The following RAB13 variants were observed in gnomAD, a reference collection of about 807,000 sequenced individuals.
RAB13 encodes the protein RAB13, member RAS oncogene family.
Under a neutral mutation model 29.3 loss-of-function variants are expected in RAB13, and 15 were observed. That is an observed-to-expected ratio of 0.51 (90% CI 0.34 to 0.79). The LOEUF is 0.79. RAB13 is among the 30% of genes least tolerant of loss of function. The pLI, the probability that RAB13 is intolerant of heterozygous loss-of-function variation, is 0.01. For synonymous variants in RAB13, 82 were observed against 93.8 expected, an observed-to-expected ratio of 0.87 and a Z score of 0.73; for missense variants, 186 against 255.5, an observed-to-expected ratio of 0.73 and a Z score of 1.85.
At chr1:153,990,428 G>A (rs1557894961), upstream of RAB13, among the ~76,000 whole-genome samples, 2 of 152,182 alleles carry the variant, frequency 1.3e-5, no homozygotes, top group African/African-American at 4.8e-5. Context: ...AAAATAGGAC[G>A]GAAGTCCTGG....
At chr1:153,984,006 G>A (rs1377492962) in intron 2 of RAB13, among the ~76,000 whole-genome samples, 1 of 151,746 alleles carries the variant, frequency 6.6e-6, no homozygotes. Context: ...GTGAAACCTC[G>A]TCTCTACTAA....
upstream of RAB13, among the ~76,000 whole-genome samples, chr1:153,989,823 C>T (rs145890316): frequency 7.5e-3 from 1,131 of 150,902 alleles, 13 homozygotes; most frequent in African/African-American, 0.026. Flanking sequence ...ACGCGGGAGG[C>T]GGAGGTTGTG....
At chr1:153,987,617 G>A (rs1400500501), upstream of RAB13, among the ~76,000 whole-genome samples, 1 of 151,062 alleles carries the variant, frequency 6.6e-6, no homozygotes, top group Non-Finnish European at 1.5e-5. Context: ...GCTGGGGGTG[G>A]AAAAAAATAC....
At position 153,982,033 on chromosome 1, in the gene RAB13, G is replaced by C. The variant is rs930748656; in HGVS notation, c.*66C>G. Reference sequence around the variant, plus strand: ...CAAGCCCCTCTGCTATTTCTCCCCTGCTCACTCCCTCTGCCGTTGTCTCCC... The same window carrying C: ...CAAGCCCCTCTGCTATTTCTCCCCTCCTCACTCCCTCTGCCGTTGTCTCCC... On this transcript the variant is annotated 3_prime_UTR_variant, in exon 8 of 8. Coordinates refer to ENST00000368575, the MANE Select transcript of RAB13 (RefSeq NM_002870.5). The C allele has an allele frequency of 5.8e-5, 81 of 1,390,116 alleles. No homozygotes were observed. The highest frequency in any genetic ancestry group is 7.7e-5 in the Non-Finnish European group (75 of 977,818). The allele number at this position is 1,390,116 out of a possible 1,614,324, so 86.1% of individuals were successfully genotyped here.
chr1:153,984,170 T>A (rs1649086703), intron 2 of RAB13, among the ~76,000 whole-genome samples: 1 of 118,288 alleles, frequency 8.5e-6, no homozygotes, highest in Non-Finnish European at 1.7e-5. Flanking sequence ...AGAGCAAAAC[T>A]CTGTCTCAAA....
chr1:153,984,869 T>A (rs1005547556), intron 1 of RAB13, 88 bp from the exon 2 acceptor site: 29 of 1,451,942 alleles, frequency 2.0e-5, no homozygotes, highest in Non-Finnish European at 2.3e-5. Context: ...GGAGCAGTGC[T>A]GGCACCAGAA....
rs948526029 is a variant in RAB13, at chr1:153,982,330, CACACAT to C, written c.534+55_534+60del. On this transcript the variant is annotated intron_variant, in intron 7 of 7. Coordinates refer to ENST00000368575, the MANE Select transcript of RAB13 (RefSeq NM_002870.5). ...ACACACACACACACACACACACACA[CACACAT>C]ACATACACACACACACACCCCAGAG... The C allele has an allele frequency of 2.0e-4, 297 of 1,493,596 alleles. 1 individual carries two copies. The East Asian group carries it at 5.5e-3, about 28-fold the overall frequency. 92.5% of individuals were successfully genotyped at this position (1,493,596 alleles called of 1,614,324 possible).
rs763575836 is a variant in RAB13 at position 153,982,383 on chromosome 1, C to A, written c.534+8G>T. 54 of 1,610,830 alleles carry A rather than the reference C, an allele frequency of 3.4e-5. No homozygotes were observed. Among genetic ancestry groups the A allele is most frequent in the Non-Finnish European group, 4.2e-5 (50 of 1,177,718 alleles). On this transcript the variant is annotated splice_region_variant and intron_variant, in intron 7 of 7. Transcript: ENST00000368575. ...AGAGTTGTACCTAGTCCAGCAAAAC[C>A]AACTTACTGATCTCCGGCCTCCTGA...
intron 2 of RAB13, 85 bp from the exon 3 acceptor site, chr1:153,983,666 CT>C: frequency 8.0e-7 from 1 of 1,254,904 alleles, no homozygotes; most frequent in South Asian, 1.2e-5. Flanking sequence ...AAGAATTTAG[CT>C]TTTGTAACAT....
At chr1:153,987,853 G>A (rs187389670), upstream of RAB13, among the ~76,000 whole-genome samples, 334 of 151,668 alleles carry the variant, frequency 2.2e-3, no homozygotes, top group Non-Finnish European at 3.7e-3. Context: ...CTACTTGGGG[G>A]ACAGAAGTGG....
chr1:153,984,279 G>A (rs1649093626), intron 2 of RAB13, among the ~76,000 whole-genome samples: 1 of 151,780 alleles, frequency 6.6e-6, no homozygotes, highest in Non-Finnish European at 1.5e-5. Flanking sequence ...TTGCGCACCA[G>A]TCTGCTCTTA....
intron 1 of RAB13, 145 bp downstream of exon 1, chr1:153,985,968 G>T (rs1649153726): frequency 3.6e-6 from 5 of 1,406,030 alleles, no homozygotes; most frequent in Non-Finnish European, 3.8e-6. Context: ...ACATGCACGG[G>T]GGAAGGGTCA....
Position 153,982,173 on chromosome 1 carries a change from T to A in RAB13, c.538A>T (p.Asn180Tyr), listed in dbSNP as rs1648996221. ...LLKSGGRRSG[N>Y]GNKPPSTDLK... Reference sequence around the variant, plus strand: ...TCAGTACTGGGAGGCTTGTTGCCGTTTCCCTAGAGGGAGAAGGGCACAGGT... The same window carrying A: ...TCAGTACTGGGAGGCTTGTTGCCGTATCCCTAGAGGGAGAAGGGCACAGGT... Residue 180 changes from asparagine (N) to tyrosine (Y), a missense_variant, in exon 8 of 8, where the codon AAC (asparagine) becomes TAC (tyrosine). Coordinates refer to ENST00000368575, the MANE Select transcript of RAB13 (RefSeq NM_002870.5). 1 of 1,613,702 alleles carries A rather than the reference T, an allele frequency of 6.2e-7. No homozygotes were observed. Among genetic ancestry groups the A allele is most frequent in the African/African-American group, 1.3e-5 (1 of 74,892 alleles).
At chr1:153,987,776 A>C (rs1024942793), upstream of RAB13, among the ~76,000 whole-genome samples, 5,546 of 91,674 alleles carry the variant, frequency 0.06, 236 homozygotes, top group East Asian at 0.24. Flanking sequence ...TGCTTCGACA[A>C]AAAAAAAAAA....
At chr1:153,990,630 C>G (rs1190243074), upstream of RAB13, 10 of 804,284 alleles carry the variant, frequency 1.2e-5, no homozygotes, top group Non-Finnish European at 2.1e-5. Flanking sequence ...TAAAGACCTT[C>G]CGAAAATGGC....
At chr1:153,987,158 C>A (rs1649194347), upstream of RAB13, among the ~76,000 whole-genome samples, 1 of 152,154 alleles carries the variant, frequency 6.6e-6, no homozygotes, top group Non-Finnish European at 1.5e-5. Context: ...CTCAATAGGC[C>A]ATGAATGTGT....
Position 153,983,550 on chromosome 1 carries a change from T to C in RAB13, c.217A>G (p.Ile73Val), listed in dbSNP as rs144395961. The C allele has an allele frequency of 2.8e-5, 45 of 1,612,106 alleles. No individual in the cohort carries two copies. The highest frequency in any genetic ancestry group is 3.6e-5 in the Non-Finnish European group (42 of 1,178,268). Residue 73 changes from isoleucine (I) to valine (V), a missense_variant, in exon 3 of 8, where the codon ATA (isoleucine) becomes GTA (valine). Physicochemically the swap from Ile to Val is conservative, Grantham distance 29. Transcript: ENST00000368575. ...DTAGQERFKTITTAYYRGAMG... is the reference protein window; with the variant it reads ...DTAGQERFKTVTTAYYRGAMG... ...GCTCCACGGTAGTAGGCAGTAGTTA[T>C]TGTCTTGAACCGCTCTTGGCCAGCC...
chr1:153,990,023 A>G (rs1210991740), upstream of RAB13, among the ~76,000 whole-genome samples: 1 of 152,066 alleles, frequency 6.6e-6, no homozygotes, highest in East Asian at 1.9e-4. Flanking sequence ...CTCACCTCTC[A>G]TTATCTCCTT....
At chr1:153,986,994 G>C (rs1440543926), upstream of RAB13, among the ~76,000 whole-genome samples, 1 of 152,136 alleles carries the variant, frequency 6.6e-6, no homozygotes, top group Non-Finnish European at 1.5e-5. Flanking sequence ...GACACATCCT[G>C]GGGCTTCAGT....
Sources: gnomAD v4.1 joint callset for allele counts (sites outside exome capture counted in the v4.1 genomes callset) on GRCh38, gnomAD v4.1.1 for gene constraint, MANE v1.5 for transcripts, NCBI Gene and HGNC (gene_info 2026-07-23, HGNC 2026-07-21) for gene names.